USP35: variants seen among roughly 807,000 people sequenced by gnomAD.
The protein encoded by USP35 is ubiquitin carboxyl-terminal hydrolase 35.
In USP35, 69 loss-of-function variants were observed where a neutral mutation model predicts 83.8. The observed-to-expected ratio is 0.82, with a 90% CI of 0.68 to 1.01. The LOEUF (loss-of-function observed/expected upper bound fraction) is 1.01. USP35 is among the 50% of genes least tolerant of loss of function. The pLI, the probability that USP35 is intolerant of heterozygous loss-of-function variation, is 0.00. For synonymous variants in USP35, 714 were observed against 589.5 expected (o/e 1.21, Z -3.06); for missense variants, 1,503 against 1,362.5 (o/e 1.10, Z -1.62).
the USP35 span, chr11:78,220,273 G>A: frequency 2.6e-5 from 42 of 1,607,886 alleles, no homozygotes; most frequent in East Asian, 8.9e-5. Flanking sequence ...CTCTGCCTCC[G>A]GGACCCTGAG....
intron 4 of USP35, 107 bp downstream of exon 4, chr11:78,199,831 G>A (rs1025528556): frequency 7.2e-5 from 112 of 1,559,044 alleles, no homozygotes; most frequent in Middle Eastern, 4.0e-4. Context: ...CACCAAGCTC[G>A]CTGTGTGACC....
At position 78,210,745 on chromosome 11, in the gene USP35, G is replaced by C; in HGVS notation, c.2889+1G>C. The stretch of plus-strand genomic sequence containing the variant: ...CAAAGACAACATCCTTTACCTACAG[G>C]TGAGCTGAGCCGTGGGGCCTTTGAT... On this transcript the variant is annotated splice_donor_variant, in intron 10 of 10. Transcript: ENST00000529308. LOFTEE classifies it high-confidence loss of function. 1 of 1,539,854 alleles carries C rather than the reference G, an allele frequency of 6.5e-7. No individual in the cohort carries two copies. The highest frequency in any genetic ancestry group is 1.2e-5 in the South Asian group (1 of 81,834).
At chr11:78,197,876 G>A (rs1380264937) in intron 2 of USP35, 60 bp from the exon 3 acceptor site, 16 of 1,581,484 alleles carry the variant, frequency 1.0e-5, no homozygotes, top group Non-Finnish European at 1.3e-5. Context: ...AGGGCATGGT[G>A]TGCTGGGGGA....
intron 10 of USP35, among the ~76,000 whole-genome samples, chr11:78,212,905 C>T (rs1051214585): frequency 3.3e-5 from 5 of 151,812 alleles, no homozygotes; most frequent in Non-Finnish European, 7.4e-5. Context: ...GAGGAGGATG[C>T]TTCGGGTGTG....
At chr11:78,223,566 A>T in the USP35 span, 26 of 1,613,770 alleles carry the variant, frequency 1.6e-5, no homozygotes, top group Non-Finnish European at 2.1e-5. Context: ...CGCTCTGGGA[A>T]TTATCACCTG....
intron 6 of USP35, among the ~76,000 whole-genome samples, chr11:78,204,645 T>C (rs1454891681): frequency 6.6e-6 from 1 of 152,086 alleles, no homozygotes; most frequent in Non-Finnish European, 1.5e-5. Flanking sequence ...ATTCATGTTG[T>C]GGGGTGGAGG....
Position 78,210,007 on chromosome 11 carries a change from A to G in USP35, c.2152A>G (p.Lys718Glu). 1.2e-6 allele frequency: 2 copies of G among 1,613,128 alleles called. No homozygotes were observed. Among genetic ancestry groups the G allele is most frequent in the Admixed American group, 1.7e-5 (1 of 59,990 alleles). ...GGAGGAGGTGGAAGAGGAAGAAGAGAAGGTGGAGAAGGAGACAGAAAAGGA... is the reference window on the plus strand; with the variant it reads ...GGAGGAGGTGGAAGAGGAAGAAGAGGAGGTGGAGAAGGAGACAGAAAAGGA... ...KEEEVEEEEEKVEKETEKEAE... is the reference protein window; with the variant it reads ...KEEEVEEEEEEVEKETEKEAE... The change falls in exon 10 of 11, where the codon AAG becomes GAG. Residue 718 changes from lysine (K) to glutamate (E), a missense_variant. Coordinates refer to ENST00000529308, the MANE Select transcript of USP35 (RefSeq NM_020798.4).
chr11:78,209,709 A>G lies in USP35; in HGVS notation c.1854A>G (p.Thr618=), dbSNP rs1437255845. 3 of 1,613,924 alleles carry G rather than the reference A, an allele frequency of 1.9e-6. No homozygotes were observed. The highest frequency in any genetic ancestry group is 2.5e-6 in the Non-Finnish European group (3 of 1,179,984). Residue 618 remains threonine (T), a synonymous_variant, in exon 10 of 11, where the codon ACA becomes ACG. Transcript: ENST00000529308. ...RRRLGSVMRP[T]EDITARELPP... is the part of the protein sequence containing the mutation. ...GCCTGGGCTCTGTGATGCGCCCCAC[A>G]GAAGACATCACAGCCCGGGAGTTGC...
Position 78,205,925 on chromosome 11 carries a change from T to C in USP35, c.1281T>C (p.Gly427=), listed in dbSNP as rs753086101. Residue 427 remains glycine (G), a synonymous_variant, in exon 7 of 11, where the codon GGT becomes GGC. Transcript: ENST00000529308. ...CTTCGCAGAAGAGCGAGCTGGCGGG[T>C]TTCTATCCCCGGCTCATGGCCAAGT... is the stretch of plus-strand genomic sequence containing the variant. ...AWTSQKSELA[G]FYPRLMAKSD... is the part of the protein sequence containing the mutation. 6.2e-7 allele frequency: 1 copy of C among 1,613,924 alleles called. No homozygotes were observed. Among genetic ancestry groups the C allele is most frequent in the Admixed American group, 1.7e-5 (1 of 59,998 alleles).
chr11:78,210,239 T>A lies in USP35; in HGVS notation c.2384T>A (p.Val795Glu). The A allele has an allele frequency of 6.2e-7, 1 of 1,614,042 alleles. No homozygotes were observed. ...TCCCTGCAGGATGCCGAGAAGGTGG[T>A]GGAGCTGAGCCAAGGGCCGTGCTAC... ...CASLQDAEKV[V>E]ELSQGPCYLI... The change falls in exon 10 of 11, where the codon GTG becomes GAG. Residue 795 changes from valine (V) to glutamate (E), a missense_variant. Physicochemically the swap from Val to Glu is moderately radical, Grantham distance 121. Coordinates refer to ENST00000529308, the MANE Select transcript of USP35 (RefSeq NM_020798.4).
rs369498460 is a variant in USP35, at chr11:78,210,207, G to A, written c.2352G>A (p.Ser784=). 71 of 1,613,848 alleles carry A rather than the reference G, an allele frequency of 4.4e-5. No homozygotes were observed. The highest frequency in any genetic ancestry group is 3.2e-4 in the Admixed American group (19 of 59,996). ...LTAENRYYCE[S]CASLQDAEKV... ...CAGAAAACCGCTACTACTGCGAGTC[G>A]TGTGCCTCCCTGCAGGATGCCGAGA... The change falls in exon 10 of 11, where the codon TCG becomes TCA. Residue 784 remains serine, a synonymous_variant. Transcript: ENST00000529308.
At chr11:78,203,736 G>A (rs531175818) in intron 6 of USP35, among the ~76,000 whole-genome samples, 40 of 150,562 alleles carry the variant, frequency 2.7e-4, no homozygotes, top group Admixed American at 5.3e-4. Flanking sequence ...CTGCCACCAC[G>A]CCTGGCTAAT....
chr11:78,196,517 G>T lies in USP35; in HGVS notation c.272G>T (p.Gly91Val). 8.2e-7 allele frequency: 1 copy of T among 1,226,232 alleles called. No individual in the cohort carries two copies. Among genetic ancestry groups the T allele is most frequent in the Middle Eastern group, 3.3e-4 (1 of 3,032 alleles). 76.0% of individuals were successfully genotyped at this position (1,226,232 alleles called of 1,614,324 possible). A position where few individuals can be genotyped will look rare whatever the true frequency, so the allele number is the denominator to read the frequency against. The change falls in exon 2 of 11, where the codon GGT becomes GTT. Residue 91 changes from glycine to valine, a missense_variant. Transcript: ENST00000529308. The surrounding 1 kb of genome is among the most constrained non-coding windows in gnomAD (Gnocchi z 4.8). ...CGTCGCGTGCTGCGCCTGCTGCAGG[G>T]TGGCGCCGGCCCCCCGGGCCCCCGC... The part of the protein sequence containing the change: ...SARRVLRLLQ[G>V]GAGPPGPRAL...
downstream of USP35, chr11:78,219,100 C>G: frequency 1.6e-6 from 1 of 625,818 alleles, no homozygotes; most frequent in Non-Finnish European, 2.7e-6. Flanking sequence ...CTTGATCAGG[C>G]CCTCACCTCC....
chr11:78,190,404 G>A (rs950540015), intron 1 of USP35, among the ~76,000 whole-genome samples: 2 of 152,184 alleles, frequency 1.3e-5, no homozygotes, highest in Non-Finnish European at 2.9e-5. Context: ...GACCAGGCCT[G>A]GGCAAAGGAG....
the USP35 span, among the ~76,000 whole-genome samples, chr11:78,224,465 C>G: frequency 4.6e-5 from 7 of 152,178 alleles, no homozygotes; most frequent in Non-Finnish European, 7.3e-5. Flanking sequence ...CTCCAGGCAC[C>G]TAGGGGACCA....
the USP35 span, among the ~76,000 whole-genome samples, chr11:78,229,378 A>G: frequency 3.3e-5 from 5 of 152,334 alleles, no homozygotes; most frequent in East Asian, 9.6e-4. Flanking sequence ...AGGCCAGGCC[A>G]GGACTAAAGG....
Position 78,213,717 on chromosome 11 carries a change from G to A in USP35, c.2961G>A (p.Arg987=), listed in dbSNP as rs745553892. 5 of 1,533,654 alleles carry A rather than the reference G, an allele frequency of 3.3e-6. No homozygotes were observed. The highest frequency in any genetic ancestry group is 1.3e-5 in the South Asian group (1 of 77,784). ...SALPTSPHWG[R]GFDEDKDEDE... The stretch of plus-strand genomic sequence containing the variant: ...TCCCCACATCTCCGCACTGGGGGAG[G>A]GGCTTTGATGAAGACAAGGATGAGG... Residue 987 remains arginine (R), a synonymous_variant, in exon 11 of 11, where the codon AGG becomes AGA. Coordinates refer to ENST00000529308, the MANE Select transcript of USP35 (RefSeq NM_020798.4).
Position 78,209,819 on chromosome 11 carries a change from C to A in USP35, c.1964C>A (p.Thr655Asn), listed in dbSNP as rs777373545. 1.5e-5 allele frequency: 24 copies of A among 1,613,490 alleles called. No homozygotes were observed. Among genetic ancestry groups the A allele is most frequent in the African/African-American group, 6.7e-5 (5 of 74,848 alleles). Residue 655 changes from threonine to asparagine, a missense_variant, in exon 10 of 11, where the codon ACC becomes AAC. Thr to Asn is a moderately conservative substitution (Grantham distance 65, BLOSUM62 0). Transcript: ENST00000529308. ...TGCATCACAGAGGACACCCCCCCCA[C>A]CAGCCTGTACATCGAAGGCCTGGAC... ...KHCITEDTPP[T>N]SLYIEGLDSK...
Sources: gnomAD v4.1 joint callset for allele counts (sites outside exome capture counted in the v4.1 genomes callset) on GRCh38, gnomAD v4.1.1 for gene constraint, Gnocchi (gnomAD v3.1) non-coding constraint, MANE v1.5 for transcripts, NCBI Gene and HGNC (gene_info 2026-07-23, HGNC 2026-07-21) for gene names.